Variants in CDC42SE2 observed in about 807,000 individuals in gnomAD.
CDC42SE2 encodes the protein CDC42 small effector 2.
In CDC42SE2, 3 loss-of-function variants were observed where a neutral mutation model predicts 11.5. The observed-to-expected ratio is 0.26, with a 90% CI of 0.12 to 0.67. CDC42SE2 has a LOEUF of 0.67. Among genes scored for constraint, CDC42SE2 ranks in the 30% least tolerant of loss-of-function variants. CDC42SE2 has a pLI of 0.80. For missense variants in CDC42SE2, 82 were observed against 106.8 expected, an observed-to-expected ratio of 0.77 and a Z score of 1.02; for synonymous variants, 33 against 34.8, an observed-to-expected ratio of 0.95 and a Z score of 0.18.
chr5:131,225,258 A>G, the CDC42SE2 span, among the ~76,000 whole-genome samples: 2 of 152,218 alleles, frequency 1.3e-5, no homozygotes, highest in African/African-American at 4.8e-5. Context: ...AAAGAAGTCT[A>G]GAGTGGTACA....
chr5:131,217,431 T>G, the CDC42SE2 span, among the ~76,000 whole-genome samples: 1 of 152,242 alleles, frequency 6.6e-6, no homozygotes, highest in Non-Finnish European at 1.5e-5. Context: ...TTTTAAAGGC[T>G]TATGTTTTCT....
chr5:131,250,348 TGTTA>T (rs1389387349), intron 1 of CDC42SE2, among the ~76,000 whole-genome samples: 1 of 152,038 alleles, frequency 6.6e-6, no homozygotes, highest in African/African-American at 2.4e-5. Context: ...TATTGACACA[TGTTA>T]GTTGAAAAGA....
At chr5:131,221,797 A>AT in the CDC42SE2 span, among the ~76,000 whole-genome samples, 1 of 151,858 alleles carries the variant, frequency 6.6e-6, no homozygotes, top group Non-Finnish European at 1.5e-5. Flanking sequence ...CTTCTTTCTC[A>AT]TTTTTTCACC....
At chr5:131,219,101 C>T in the CDC42SE2 span, among the ~76,000 whole-genome samples, 1 of 151,830 alleles carries the variant, frequency 6.6e-6, no homozygotes, top group Non-Finnish European at 1.5e-5. Context: ...TCACTGAGCT[C>T]ATACACTTGT....
At chr5:131,329,769 C>T (rs1561586537) in intron 2 of CDC42SE2, among the ~76,000 whole-genome samples, 1 of 150,760 alleles carries the variant, frequency 6.6e-6, no homozygotes, top group Non-Finnish European at 1.5e-5. Context: ...ATCCCAGCTA[C>T]TTGGGAGGCT....
intron 1 of CDC42SE2, among the ~76,000 whole-genome samples, chr5:131,277,109 G>A (rs1013237218): frequency 1.3e-5 from 2 of 152,168 alleles, no homozygotes; most frequent in Non-Finnish European, 1.5e-5. Flanking sequence ...CACACTAGAA[G>A]TGTTTCTTTA....
chr5:131,289,623 A>G (rs932595435), intron 1 of CDC42SE2, among the ~76,000 whole-genome samples: 1 of 151,788 alleles, frequency 6.6e-6, no homozygotes, highest in Admixed American at 6.6e-5. Flanking sequence ...CAGTGAGCTG[A>G]GATCGCACCA....
chr5:131,218,755 A>G, the CDC42SE2 span, among the ~76,000 whole-genome samples: 11 of 152,182 alleles, frequency 7.2e-5, no homozygotes, highest in Non-Finnish European at 1.6e-4. Context: ...GTTGTTGGGG[A>G]GGAAATCACC....
chr5:131,369,948 C>G (rs1193137675), intron 3 of CDC42SE2, among the ~76,000 whole-genome samples: 1 of 152,158 alleles, frequency 6.6e-6, no homozygotes, highest in African/African-American at 2.4e-5. Flanking sequence ...TCAGTGCTTT[C>G]TGCTTATTCT....
intron 1 of CDC42SE2, among the ~76,000 whole-genome samples, chr5:131,312,290 A>G (rs948626451): frequency 2.0e-5 from 3 of 152,024 alleles, no homozygotes; most frequent in African/African-American, 7.2e-5. Context: ...TTGAGGAGGC[A>G]GTCTGCCCGT....
At chr5:131,354,251 T>C (rs1396486664) in intron 2 of CDC42SE2, among the ~76,000 whole-genome samples, 1 of 151,860 alleles carries the variant, frequency 6.6e-6, no homozygotes, top group Non-Finnish European at 1.5e-5. Context: ...AAAAATAAAA[T>C]AAAATAAAAT....
At chr5:131,323,323 C>A (rs1361922340) in intron 2 of CDC42SE2, among the ~76,000 whole-genome samples, 1 of 151,810 alleles carries the variant, frequency 6.6e-6, no homozygotes, top group East Asian at 1.9e-4. Flanking sequence ...TGTGCCCGAC[C>A]CCCAATCTAT....
intron 2 of CDC42SE2, among the ~76,000 whole-genome samples, chr5:131,334,575 G>A (rs2149744835): frequency 6.6e-6 from 1 of 152,240 alleles, no homozygotes; most frequent in South Asian, 2.1e-4. Flanking sequence ...GTAGAATTTG[G>A]CTGTGAATCT....
chr5:131,220,598 T>G, the CDC42SE2 span, among the ~76,000 whole-genome samples: 1 of 152,190 alleles, frequency 6.6e-6, no homozygotes, highest in Admixed American at 6.5e-5. Context: ...GATAGAATAT[T>G]CCATTATAGA....
At position 131,274,653 on chromosome 5, in the gene CDC42SE2, C is replaced by T. The variant is rs527991912; in HGVS notation, c.-455+10487C>T. 2.0e-5 allele frequency among the ~76,000 whole-genome samples: 3 copies of T among 152,248 alleles called. No homozygotes were observed. In the South Asian group the frequency reaches 6.2e-4, roughly 32 times the overall value. On this transcript the variant is annotated intron_variant, in intron 1 of 4. Transcript: ENST00000505065. ...TTTATAAAAACCAGAATACTTAATA[C>T]CTAAGTATTCAAGAAGTCTTGACCC...
At chr5:131,347,036 G>C (rs572396383) in intron 2 of CDC42SE2, among the ~76,000 whole-genome samples, 1 of 152,122 alleles carries the variant, frequency 6.6e-6, no homozygotes, top group Non-Finnish European at 1.5e-5. Flanking sequence ...ATGCCCACAA[G>C]AGAAAGCAGG....
chr5:131,266,169 T>TG (rs1229893431), intron 1 of CDC42SE2, among the ~76,000 whole-genome samples: 1 of 152,214 alleles, frequency 6.6e-6, no homozygotes, highest in East Asian at 1.9e-4. Flanking sequence ...TTTGTAGTTT[T>TG]GCATTTATTC....
At position 131,383,444 on chromosome 5, in the gene CDC42SE2, CAAAT is replaced by C. The variant is rs1249755900; in HGVS notation, c.55-2095_55-2092del. On this transcript the variant is annotated intron_variant, in intron 3 of 4. Coordinates refer to ENST00000505065, the MANE Select transcript of CDC42SE2 (RefSeq NM_001375635.1). Reference sequence around the variant, plus strand: ...GGCTTGAAGTAAAACTAAAGTTGTTCAAATAAAGAAATGAGAGTTCTTTGTTCCC... The same window carrying C: ...GGCTTGAAGTAAAACTAAAGTTGTTCAAAGAAATGAGAGTTCTTTGTTCCC... Among the ~76,000 whole-genome samples, 3 of 152,142 alleles carry C rather than the reference CAAAT, an allele frequency of 2.0e-5. No individual in the cohort carries two copies. In the South Asian group the frequency reaches 6.2e-4, roughly 32 times the overall value.
intron 2 of CDC42SE2, among the ~76,000 whole-genome samples, chr5:131,330,931 C>A (rs566970594): frequency 6.6e-6 from 1 of 151,056 alleles, no homozygotes; most frequent in African/African-American, 2.4e-5. Flanking sequence ...GAGGCTGAGG[C>A]GAGAGAATTG....
Sources: gnomAD v4.1 joint callset for allele counts (sites outside exome capture counted in the v4.1 genomes callset) on GRCh38, gnomAD v4.1.1 for gene constraint, MANE v1.5 for transcripts, NCBI Gene and HGNC (gene_info 2026-07-23, HGNC 2026-07-21) for gene names.